ZNF385B: variants seen among roughly 807,000 people sequenced by gnomAD.
ZNF385B encodes zinc finger protein 533.
A neutral mutation model predicts 39.2 loss-of-function variants in ZNF385B; 23 were observed. That is an observed-to-expected ratio of 0.59 (90% CI 0.42 to 0.83). ZNF385B has a LOEUF of 0.83. ZNF385B is among the 40% of genes least tolerant of loss of function. The pLI is 0.00. For missense variants in ZNF385B, 552 were observed against 598.9 expected, an observed-to-expected ratio of 0.92 and a Z score of 0.82; for synonymous variants, 205 against 222.6, an observed-to-expected ratio of 0.92 and a Z score of 0.70.
intron 3 of ZNF385B, among the ~76,000 whole-genome samples, chr2:179,768,627 C>T (rs554578660): frequency 1.7e-4 from 26 of 152,278 alleles, no homozygotes; most frequent in Middle Eastern, 3.4e-3. Context: ...GGAGCTCTTC[C>T]CCCACATTTG....
intron 3 of ZNF385B, among the ~76,000 whole-genome samples, chr2:179,740,925 G>GA (rs926991715): frequency 2.0e-5 from 3 of 151,768 alleles, no homozygotes; most frequent in Admixed American, 2.0e-4. Context: ...TAACAGACAA[G>GA]AAAAAAAGGG....
intron 3 of ZNF385B, among the ~76,000 whole-genome samples, chr2:179,665,316 T>C (rs1419140679): frequency 2.6e-5 from 4 of 152,268 alleles, no homozygotes; most frequent in African/African-American, 7.2e-5. Flanking sequence ...TCACCTGTAG[T>C]ATCTGCATCT....
At chr2:179,621,516 T>C (rs1425339537) in intron 3 of ZNF385B, among the ~76,000 whole-genome samples, 1 of 152,242 alleles carries the variant, frequency 6.6e-6, no homozygotes, top group Admixed American at 6.5e-5. Context: ...ATTCCCATCA[T>C]GGCTGATTTT....
chr2:179,486,405 T>G (rs1350552781), intron 5 of ZNF385B, among the ~76,000 whole-genome samples: 1 of 152,188 alleles, frequency 6.6e-6, no homozygotes, highest in African/African-American at 2.4e-5. Context: ...CCCTATTTAA[T>G]TATATACCCA....
At chr2:179,616,867 ATCAG>A (rs1445863673) in intron 3 of ZNF385B, among the ~76,000 whole-genome samples, 2 of 151,976 alleles carry the variant, frequency 1.3e-5, no homozygotes, top group Non-Finnish European at 2.9e-5. Context: ...GGCCCAATCA[ATCAG>A]TTTTTATTGT....
intron 3 of ZNF385B, among the ~76,000 whole-genome samples, chr2:179,643,854 C>T (rs1692481608): frequency 6.6e-6 from 1 of 152,022 alleles, no homozygotes; most frequent in African/African-American, 2.4e-5. Flanking sequence ...CAAAAAAGTT[C>T]ATTTTATTGT....
chr2:179,562,003 A>G (rs1416250231), intron 3 of ZNF385B, among the ~76,000 whole-genome samples: 1 of 152,232 alleles, frequency 6.6e-6, no homozygotes, highest in East Asian at 1.9e-4. Flanking sequence ...TATAATCAAC[A>G]GCTTAAATAT....
chr2:179,694,311 A>G (rs959946211), intron 3 of ZNF385B, among the ~76,000 whole-genome samples: 1 of 151,294 alleles, frequency 6.6e-6, no homozygotes, highest in Non-Finnish European at 1.5e-5. Flanking sequence ...GAGATGACAC[A>G]TCTAGAATTT....
intron 1 of ZNF385B, among the ~76,000 whole-genome samples, chr2:179,840,612 A>G (rs1476059598): frequency 2.0e-5 from 3 of 152,200 alleles, no homozygotes; most frequent in South Asian, 4.1e-4. Context: ...ATTTTGTGAT[A>G]TATAAGGAAT....
rs777862700 is a variant in ZNF385B at position 179,446,633 on chromosome 2, G to C, written c.853C>G (p.Pro285Ala). 4 of 1,614,064 alleles carry C rather than the reference G, an allele frequency of 2.5e-6. No individual in the cohort carries two copies. The South Asian group carries it at 3.3e-5, about 13-fold the overall frequency. Residue 285 changes from proline to alanine, a missense_variant, in exon 7 of 10, where the codon CCC becomes GCC. Pro to Ala is a conservative substitution (Grantham distance 27, BLOSUM62 -1). Coordinates refer to ENST00000410066, the MANE Select transcript of ZNF385B (RefSeq NM_152520.6). ...TCTTCTGATTCAACAACAGTACCGG[G>C]AGCTCCATTTGTGCTCTTGGAGGGA... ...TSPSKSTNGA[P>A]GTVVESEEEK...
chr2:179,558,074 T>C (rs2061072754), intron 3 of ZNF385B, among the ~76,000 whole-genome samples: 1 of 152,176 alleles, frequency 6.6e-6, no homozygotes, highest in Admixed American at 6.5e-5. Flanking sequence ...ACCGAAGTAC[T>C]ATCACAATCA....
chr2:179,566,896 A>C (rs1014844505), intron 3 of ZNF385B, among the ~76,000 whole-genome samples: 1 of 150,106 alleles, frequency 6.7e-6, no homozygotes, highest in African/African-American at 2.4e-5. Context: ...TGACTATATA[A>C]TCTTTTTCTT....
intron 3 of ZNF385B, among the ~76,000 whole-genome samples, chr2:179,549,721 C>T (rs1200806446): frequency 6.7e-6 from 1 of 149,384 alleles, no homozygotes; most frequent in Non-Finnish European, 1.5e-5. Context: ...GACTGTCATA[C>T]TTCATTTACA....
chr2:179,788,863 T>C (rs976012403), intron 1 of ZNF385B, among the ~76,000 whole-genome samples: 3 of 152,124 alleles, frequency 2.0e-5, no homozygotes, highest in Admixed American at 6.5e-5. Context: ...CCGCTGCAAG[T>C]TGGAGTTGAT....
At chr2:179,588,940 A>G (rs756300875) in intron 3 of ZNF385B, among the ~76,000 whole-genome samples, 1 of 152,164 alleles carries the variant, frequency 6.6e-6, no homozygotes, top group Non-Finnish European at 1.5e-5. Flanking sequence ...GAGCTCTGCA[A>G]CAGTCTACAT....
chr2:179,791,781 T>C (rs528214022), intron 1 of ZNF385B, among the ~76,000 whole-genome samples: 10 of 152,220 alleles, frequency 6.6e-5, no homozygotes, highest in Non-Finnish European at 1.5e-4. Context: ...TATTTTGAGA[T>C]GGAGTTTTGC....
intron 3 of ZNF385B, among the ~76,000 whole-genome samples, chr2:179,617,512 A>G (rs1233594579): frequency 6.6e-6 from 1 of 152,214 alleles, no homozygotes; most frequent in Non-Finnish European, 1.5e-5. Context: ...TTTATATTGA[A>G]AAAAAGCTTT....
intron 5 of ZNF385B, among the ~76,000 whole-genome samples, chr2:179,495,475 C>T (rs749331696): frequency 2.8e-4 from 42 of 152,300 alleles, no homozygotes; most frequent in Middle Eastern, 6.8e-3. Context: ...GCTTTGCCAC[C>T]GGCTTATTGT....
At chr2:179,788,983 C>T (rs1705168080) in intron 1 of ZNF385B, among the ~76,000 whole-genome samples, 1 of 152,134 alleles carries the variant, frequency 6.6e-6, no homozygotes, top group Non-Finnish European at 1.5e-5. Context: ...CCTGTTCTTT[C>T]CATATTGATT....
Sources: gnomAD v4.1 joint callset for allele counts (sites outside exome capture counted in the v4.1 genomes callset) on GRCh38, gnomAD v4.1.1 for gene constraint, MANE v1.5 for transcripts, NCBI Gene and HGNC (gene_info 2026-07-23, HGNC 2026-07-21) for gene names.